Variants in FDX1 observed in about 807,000 individuals in gnomAD.
FDX1 encodes the protein ferredoxin 1.
FDX1 carries 9 observed loss-of-function variants against 14.9 expected under a neutral mutation model. The ratio of observed to expected loss-of-function variants is 0.60; its 90% CI spans 0.36 to 1.05. FDX1 has a LOEUF of 1.05. FDX1 is among the 50% of genes least tolerant of loss of function. The pLI, the probability that FDX1 is intolerant of heterozygous loss-of-function variation, is 0.01. For missense variants in FDX1, 204 were observed against 237.2 expected (o/e 0.86, Z 0.92); for synonymous variants, 92 against 99.4 (o/e 0.93, Z 0.44).
chr11:110,431,720 T>C (rs1404273075), intron 1 of FDX1, among the ~76,000 whole-genome samples: 1 of 152,206 alleles, frequency 6.6e-6, no homozygotes, highest in Non-Finnish European at 1.5e-5. Context: ...TTTGTAGTAA[T>C]TGGGAGTTAT....
intron 2 of FDX1, among the ~76,000 whole-genome samples, chr11:110,444,685 C>CACATATATATATATATATAT (rs1946431031): frequency 8.2e-5 from 3 of 36,736 alleles, no homozygotes; most frequent in Admixed American, 3.8e-4. Context: ...TATATATATA[C>CACATATATATATATATATAT]ACGTATATAT....
chr11:110,453,144 C>G (rs1180822761), intron 2 of FDX1, among the ~76,000 whole-genome samples: 1 of 152,112 alleles, frequency 6.6e-6, no homozygotes, highest in Non-Finnish European at 1.5e-5. Flanking sequence ...TGAGACCAGC[C>G]TGGACAACAT....
chr11:110,460,295 T>G (rs1173769237), intron 3 of FDX1, among the ~76,000 whole-genome samples: 1 of 152,216 alleles, frequency 6.6e-6, no homozygotes, highest in Non-Finnish European at 1.5e-5. Context: ...GGTTCCTCCT[T>G]GCTCACCAGT....
intron 2 of FDX1, among the ~76,000 whole-genome samples, chr11:110,439,194 C>T (rs1268962064): frequency 1.3e-5 from 2 of 151,962 alleles, no homozygotes; most frequent in African/African-American, 4.8e-5. Flanking sequence ...TGTCAGCCAC[C>T]ATGCCTGCTC....
At chr11:110,430,481 C>T (rs1434870283) in intron 1 of FDX1, among the ~76,000 whole-genome samples, 176 bp downstream of exon 1, 2 of 152,214 alleles carry the variant, frequency 1.3e-5, no homozygotes, top group Non-Finnish European at 2.9e-5. Context: ...TCTCGCTGCT[C>T]GGTGGCGTCG....
chr11:110,455,151 T>C (rs557794697), intron 2 of FDX1, among the ~76,000 whole-genome samples: 3 of 152,118 alleles, frequency 2.0e-5, no homozygotes, highest in Admixed American at 6.5e-5. Flanking sequence ...GGATTACAGG[T>C]GTGCACCACT....
At chr11:110,444,698 ATATATACG>A (rs1565381925) in intron 2 of FDX1, among the ~76,000 whole-genome samples, 923 of 64,898 alleles carry the variant, frequency 0.014, 89 homozygotes, top group African/African-American at 0.057. Flanking sequence ...GTATATATAT[ATATATACG>A]TATATATATA....
rs1946377932 is a variant in FDX1 at position 110,437,500 on chromosome 11, G to T, written c.310+1542G>T. 2.0e-5 allele frequency among the ~76,000 whole-genome samples: 3 copies of T among 152,262 alleles called. No homozygotes were observed. The South Asian group carries it at 6.2e-4, about 32-fold the overall frequency. On this transcript the variant is annotated intron_variant, in intron 2 of 3. Coordinates refer to ENST00000260270, the MANE Select transcript of FDX1 (RefSeq NM_004109.5). Reference sequence around the variant, plus strand: ...AGTGAGAGGGCTAAGACTCAAACCTGTCTTGAAGTCAAGATGGTATATCTC... The same window carrying T: ...AGTGAGAGGGCTAAGACTCAAACCTTTCTTGAAGTCAAGATGGTATATCTC...
intron 3 of FDX1, among the ~76,000 whole-genome samples, chr11:110,457,890 C>A (rs1251801097): frequency 6.6e-6 from 1 of 151,942 alleles, no homozygotes; most frequent in East Asian, 1.9e-4. Flanking sequence ...CATTTTGTTC[C>A]TTTTATAGTT....
chr11:110,444,724 G>GTGTA (rs1491187893), intron 2 of FDX1, among the ~76,000 whole-genome samples: 1 of 27,428 alleles, frequency 3.6e-5, no homozygotes, highest in African/African-American at 2.1e-4. Flanking sequence ...ATATATATAC[G>GTGTA]TATATATATA....
chr11:110,464,484 A>G lies in FDX1; in HGVS notation c.*2016A>G, dbSNP rs962391200. On this transcript the variant is annotated 3_prime_UTR_variant, in exon 4 of 4. Transcript: ENST00000260270. Reference sequence around the variant, plus strand: ...CTTTTATCAGGAGCCCACTTCTGACATAACTAACCCACACCTGAGATAACG... The same window carrying G: ...CTTTTATCAGGAGCCCACTTCTGACGTAACTAACCCACACCTGAGATAACG... The G allele has an allele frequency of 1.3e-5, 2 of 152,304 alleles. No homozygotes were observed. Among genetic ancestry groups the G allele is most frequent in the Admixed American group, 1.3e-4 (2 of 15,282 alleles). The allele number at this position is 152,304 out of a possible 1,614,324, so 9.4% of individuals were successfully genotyped here.
Position 110,452,683 on chromosome 11 carries a change from G to A in FDX1, c.311-4235G>A, listed in dbSNP as rs139276419. On this transcript the variant is annotated intron_variant, in intron 2 of 3. Transcript: ENST00000260270. ...AGAAAATGTGAATGAAAGTCACAAT[G>A]TGACACCACCAGATACCTACTAGAA... 3.1e-3 allele frequency among the ~76,000 whole-genome samples: 471 copies of A among 152,082 alleles called. 1 individual carries two copies. The highest frequency in any genetic ancestry group is 0.011 in the African/African-American group (441 of 41,504).
rs1591256672 is a variant in FDX1, at chr11:110,463,413, C to T, written c.*945C>T. 6.6e-6 allele frequency: 1 copy of T among 152,202 alleles called. No homozygotes were observed. 9.4% of individuals were successfully genotyped at this position (152,202 alleles called of 1,614,324 possible). On this transcript the variant is annotated 3_prime_UTR_variant, in exon 4 of 4. Transcript: ENST00000260270. ...GTCAGTCCCAGGAGTGAGGGAGTGG[C>T]AAGCACCACAGATTACCACGTATGT...
upstream of FDX1, chr11:110,429,863 C>A (rs1946316428): frequency 3.2e-6 from 1 of 316,948 alleles, no homozygotes; most frequent in Non-Finnish European, 5.7e-6. Context: ...CTGGCCCCGC[C>A]CCATGGGACC....
At chr11:110,441,289 A>G (rs189198427) in intron 2 of FDX1, among the ~76,000 whole-genome samples, 4 of 152,338 alleles carry the variant, frequency 2.6e-5, no homozygotes, top group East Asian at 3.8e-4. Context: ...AAGATACCCC[A>G]AATGTGGAAG....
intron 3 of FDX1, among the ~76,000 whole-genome samples, chr11:110,460,077 C>G (rs1057370095): frequency 2.6e-5 from 4 of 152,212 alleles, no homozygotes; most frequent in Non-Finnish European, 5.9e-5. Context: ...AACAGACTCT[C>G]TAGAGCTCAC....
intron 2 of FDX1, among the ~76,000 whole-genome samples, chr11:110,450,765 A>G (rs1946480863): frequency 6.6e-6 from 1 of 152,224 alleles, no homozygotes; most frequent in South Asian, 2.1e-4. Flanking sequence ...TGCATTTCTC[A>G]TAAAACATCA....
chr11:110,458,605 C>G (rs1208139308), intron 3 of FDX1, among the ~76,000 whole-genome samples: 1 of 151,924 alleles, frequency 6.6e-6, no homozygotes, highest in Non-Finnish European at 1.5e-5. Flanking sequence ...AGCAAAAACA[C>G]CATCGTTTCT....
At chr11:110,429,438 G>A (rs1485356367), upstream of FDX1, among the ~76,000 whole-genome samples, 2 of 152,162 alleles carry the variant, frequency 1.3e-5, no homozygotes, top group Non-Finnish European at 2.9e-5. Context: ...GTTCAGTCTC[G>A]TGGGTTTCAT....
Sources: gnomAD v4.1 joint callset for allele counts (sites outside exome capture counted in the v4.1 genomes callset) on GRCh38, gnomAD v4.1.1 for gene constraint, MANE v1.5 for transcripts, NCBI Gene and HGNC (gene_info 2026-07-23, HGNC 2026-07-21) for gene names.